EDNRA: variants seen among roughly 807,000 people sequenced by gnomAD.
EDNRA encodes the protein endothelin receptor type A.
Under a neutral mutation model 41.4 loss-of-function variants are expected in EDNRA, and 11 were observed. The ratio of observed to expected loss-of-function variants is 0.27; its 90% confidence interval spans 0.17 to 0.44. EDNRA has a LOEUF of 0.44. EDNRA is among the 20% of genes least tolerant of loss of function. The pLI is 1.00. For synonymous variants in EDNRA, 172 were observed against 183.0 expected (o/e 0.94, Z 0.49); for missense variants, 294 against 531.0 (o/e 0.55, Z 4.39).
chr4:147,499,844 A>T (rs545421199), intron 2 of EDNRA, among the ~76,000 whole-genome samples: 1 of 120,334 alleles, frequency 8.3e-6, no homozygotes, highest in Admixed American at 1.2e-4. Flanking sequence ...TCACTCTGTC[A>T]TCCAGGCTGG....
chr4:147,537,252 G>C (rs916539851), intron 5 of EDNRA, among the ~76,000 whole-genome samples: 1 of 152,176 alleles, frequency 6.6e-6, no homozygotes, highest in Non-Finnish European at 1.5e-5. Context: ...GTATTATGAG[G>C]ATCAAAAGGA....
chr4:147,524,006 G>T (rs904268629), intron 3 of EDNRA, among the ~76,000 whole-genome samples: 3 of 152,120 alleles, frequency 2.0e-5, no homozygotes, highest in African/African-American at 7.2e-5. Context: ...TACCATAAAG[G>T]AGTAGAAGAA....
intron 2 of EDNRA, among the ~76,000 whole-genome samples, chr4:147,503,787 G>A (rs768313094): frequency 1.3e-5 from 2 of 151,864 alleles, no homozygotes; most frequent in South Asian, 4.2e-4. Flanking sequence ...CTTTATACTC[G>A]GAAAAATCAT....
At chr4:147,528,145 A>G (rs183151472) in intron 3 of EDNRA, among the ~76,000 whole-genome samples, 15 of 152,286 alleles carry the variant, frequency 9.8e-5, no homozygotes, top group African/African-American at 3.1e-4. Context: ...CTGATTCTTC[A>G]CCAGAATTCC....
chr4:147,506,661 G>T, intron 2 of EDNRA: 1 of 316,478 alleles, frequency 3.2e-6, no homozygotes, highest in Non-Finnish European at 6.2e-6. Flanking sequence ...GTATACCTGA[G>T]GGAACTCTTA....
In EDNRA at chr4:147,544,840, A is replaced by AT. The variant is rs1217919295; in HGVS notation, c.*2225dup. ...TGGTTTACTAGCAGGAATATTTCCA[A>AT]TTTCTACCTTTACTACATCTTTTCA... On this transcript the variant is annotated 3_prime_UTR_variant, in exon 8 of 8. Transcript: ENST00000651419. 6.6e-6 allele frequency: 1 copy of AT among 152,618 alleles called. No homozygotes were observed. Among genetic ancestry groups the AT allele is most frequent in the Non-Finnish European group, 1.5e-5 (1 of 68,032 alleles). The allele number at this position is 152,618 out of a possible 1,614,324, so 9.5% of individuals were successfully genotyped here. A position where few individuals can be genotyped will look rare whatever the true frequency, so the allele number is the denominator to read the frequency against.
chr4:147,488,993 AT>A lies in EDNRA; in HGVS notation c.420+2894del, dbSNP rs1415638132. ...TGTAGCTATGAAAATAATGCATACAATTGGAGAATATTCAGTTAAAGGGATG... is the reference window on the plus strand; with the variant it reads ...TGTAGCTATGAAAATAATGCATACAATGGAGAATATTCAGTTAAAGGGATG... On this transcript the variant is annotated intron_variant, in intron 2 of 7. Coordinates refer to ENST00000651419, the MANE Select transcript of EDNRA (RefSeq NM_001957.4). 2.0e-5 allele frequency: 3 copies of A among 152,230 alleles called. No homozygotes were observed. In the East Asian group the frequency reaches 5.8e-4, roughly 29 times the overall value. The allele number at this position is 152,230 out of a possible 1,614,324, so 9.4% of individuals were successfully genotyped here.
chr4:147,512,447 A>T (rs1729961103), intron 2 of EDNRA, among the ~76,000 whole-genome samples: 1 of 152,226 alleles, frequency 6.6e-6, no homozygotes, highest in South Asian at 2.1e-4. Flanking sequence ...AGACTGAAAC[A>T]CCGAATATTC....
chr4:147,540,094 C>A, intron 6 of EDNRA, 144 bp downstream of exon 6: 1 of 1,170,160 alleles, frequency 8.5e-7, no homozygotes, highest in Non-Finnish European at 1.2e-6. Context: ...GCTGACATAG[C>A]CTATAACTGA....
rs1179086569 is a variant in EDNRA, at chr4:147,486,677, C to G, written c.420+576C>G. Among the ~76,000 whole-genome samples, 1 of 152,168 alleles carries G rather than the reference C, an allele frequency of 6.6e-6. No individual in the cohort carries two copies. The highest frequency in any genetic ancestry group is 6.5e-5 in the Admixed American group (1 of 15,270). Reference sequence around the variant, plus strand: ...CCACATGATAGCAGGCCACTGTTGACCTTGCTGAGCAGCATTACTAACTAA... The same window carrying G: ...CCACATGATAGCAGGCCACTGTTGAGCTTGCTGAGCAGCATTACTAACTAA... On this transcript the variant is annotated intron_variant, in intron 2 of 7. Coordinates refer to ENST00000651419, the MANE Select transcript of EDNRA (RefSeq NM_001957.4). The surrounding 1 kb of genome is among the most constrained non-coding windows in gnomAD (Gnocchi z 4.3).
chr4:147,526,178 A>G lies in EDNRA; in HGVS notation c.548+6200A>G, dbSNP rs1730536219. ...ATCGTACTGAGTTATTTGTTCTTTT[A>G]TCTTATTCTATTGTCAAGATCAGGC... On this transcript the variant is annotated intron_variant, in intron 3 of 7. Transcript: ENST00000651419. 2.0e-5 allele frequency among the ~76,000 whole-genome samples: 3 copies of G among 152,180 alleles called. No individual in the cohort carries two copies. In the South Asian group the frequency reaches 6.2e-4, roughly 31 times the overall value.
In EDNRA at chr4:147,519,118, A is replaced by G. The variant is rs1328017547; in HGVS notation, c.421-733A>G. On this transcript the variant is annotated intron_variant, in intron 2 of 7. Transcript: ENST00000651419. The surrounding 1 kb of genome is among the most constrained non-coding windows in gnomAD (Gnocchi z 4.1). ...GATACCAACAGATCAAGGTAACCAC[A>G]TTTTTCTGTATAGTAAGGGGAAGTT... 2.0e-5 allele frequency among the ~76,000 whole-genome samples: 3 copies of G among 152,192 alleles called. No homozygotes were observed. The highest frequency in any genetic ancestry group is 2.0e-4 in the Admixed American group (3 of 15,278).
chr4:147,535,195 GAAT>G (rs1730878130), intron 4 of EDNRA, among the ~76,000 whole-genome samples: 1 of 152,106 alleles, frequency 6.6e-6, no homozygotes, highest in Admixed American at 6.5e-5. Context: ...AAGTAAAACC[GAAT>G]AATCTCGGTA....
Position 147,485,660 on chromosome 4 carries a change from A to G in EDNRA, c.-22A>G. The G allele has an allele frequency of 6.4e-7, 1 of 1,560,534 alleles. No homozygotes were observed. The highest frequency in any genetic ancestry group is 8.7e-7 in the Non-Finnish European group (1 of 1,153,306). ...AAGCAGCACAAGTGCAATAAGAGAT[A>G]TTTCCTCAAATTTGCCTCAAGATGG... On this transcript the variant is annotated 5_prime_UTR_variant, in exon 2 of 8. In the 5' UTR this introduces an upstream ATG that the reference lacks. Coordinates refer to ENST00000651419, the MANE Select transcript of EDNRA (RefSeq NM_001957.4).
intron 2 of EDNRA, chr4:147,506,157 A>G: frequency 1.9e-6 from 1 of 528,244 alleles, no homozygotes; most frequent in South Asian, 1.4e-5. Context: ...GAAACTGTGG[A>G]TTGCCAAGAC....
rs2292766 is a variant in EDNRA, at chr4:147,540,039, C to T, written c.1034+89C>T. 25 of 1,487,024 alleles carry T rather than the reference C, an allele frequency of 1.7e-5. No individual in the cohort carries two copies. In the East Asian group the frequency reaches 4.3e-4, roughly 26 times the overall value. 92.1% of individuals were successfully genotyped at this position (1,487,024 alleles called of 1,614,324 possible). A position where few individuals can be genotyped will look rare whatever the true frequency, so the allele number is the denominator to read the frequency against. ...TACAAAACCAGCTACTCTACATGCC[C>T]GTTAGCCCTGAAAATTAAAACTGCA... On this transcript the variant is annotated intron_variant, in intron 6 of 7. Coordinates refer to ENST00000651419, the MANE Select transcript of EDNRA (RefSeq NM_001957.4).
intron 2 of EDNRA, among the ~76,000 whole-genome samples, chr4:147,509,032 G>A (rs1214565068): frequency 6.6e-6 from 1 of 152,164 alleles, no homozygotes; most frequent in Non-Finnish European, 1.5e-5. Flanking sequence ...GGGGAGAATT[G>A]CCATCTTAAT....
intron 2 of EDNRA, among the ~76,000 whole-genome samples, chr4:147,516,619 A>C (rs1730124917): frequency 6.6e-6 from 1 of 152,032 alleles, no homozygotes; most frequent in African/African-American, 2.4e-5. Flanking sequence ...GGGTACATAG[A>C]CTCTTGTAGC....
At chr4:147,530,390 A>G (rs1159386059) in intron 3 of EDNRA, among the ~76,000 whole-genome samples, 1 of 152,206 alleles carries the variant, frequency 6.6e-6, no homozygotes, top group Non-Finnish European at 1.5e-5. Flanking sequence ...AAAATAAACA[A>G]TGATTTTTAT....
Sources: gnomAD v4.1 joint callset for allele counts (sites outside exome capture counted in the v4.1 genomes callset) on GRCh38, gnomAD v4.1.1 for gene constraint, Gnocchi (gnomAD v3.1) non-coding constraint, MANE v1.5 for transcripts, NCBI Gene and HGNC (gene_info 2026-07-23, HGNC 2026-07-21) for gene names.